Variants in TENM4 observed in about 807,000 individuals in gnomAD.
The protein encoded by TENM4 is teneurin-4.
In TENM4, 82 loss-of-function variants were observed where a neutral mutation model predicts 243.3. The ratio of observed to expected loss-of-function variants is 0.34; its 90% CI spans 0.28 to 0.40. TENM4 has a LOEUF of 0.40. Ranked by LOEUF, TENM4 falls within the 10% of genes least tolerant of loss-of-function variation. The probability of loss-of-function intolerance (pLI) is 1.00; values close to 1 mark genes in which losing one functional copy is unlikely to be tolerated. For missense variants in TENM4, 3,138 were observed against 3,673.3 expected (o/e 0.85, Z 3.77); for synonymous variants, 1,412 against 1,456.3 (o/e 0.97, Z 0.69).
chr11:79,085,798 T>C (rs1006075247), intron 4 of TENM4, among the ~76,000 whole-genome samples: 3 of 152,214 alleles, frequency 2.0e-5, no homozygotes, highest in African/African-American at 7.2e-5. Context: ...TACCTGAAAC[T>C]GCTCTGCATA....
intron 1 of TENM4, among the ~76,000 whole-genome samples, chr11:79,423,531 G>A (rs1263280308): frequency 7.3e-6 from 1 of 136,554 alleles, no homozygotes; most frequent in Non-Finnish European, 1.6e-5. Context: ...ATGCTTACAA[G>A]TGCATTTTTT....
Position 78,805,352 on chromosome 11 carries a change from G to A in TENM4, c.2119C>T (p.Leu707Phe), listed in dbSNP as rs1262213531. 8 of 1,294,218 alleles carry A rather than the reference G, an allele frequency of 6.2e-6. No homozygotes were observed. Among genetic ancestry groups the A allele is most frequent in the Non-Finnish European group, 7.0e-6 (7 of 1,002,826 alleles). 80.2% of individuals were successfully genotyped at this position (1,294,218 alleles called of 1,614,324 possible). Residue 707 changes from leucine to phenylalanine, a missense_variant, in exon 15 of 34, where the codon CTC becomes TTC. Physicochemically the swap from Leu to Phe is conservative, Grantham distance 22 (BLOSUM62 0). Coordinates refer to ENST00000278550, the MANE Select transcript of TENM4 (RefSeq NM_001098816.3). Reference protein sequence around the residue: ...LDQCSGHGTFLPDTGLCSCDP... With the variant: ...LDQCSGHGTFFPDTGLCSCDP... Reference sequence around the variant, plus strand: ...CAGCTGCAAAGCCCGGTGTCCGGGAGGAAGGTTCCGTGGCCTGAACACTGG... The same window carrying A: ...CAGCTGCAAAGCCCGGTGTCCGGGAAGAAGGTTCCGTGGCCTGAACACTGG...
Position 78,965,565 on chromosome 11 carries a change from ATC to A in TENM4, c.494-62044_494-62043del, listed in dbSNP as rs778397332. On this transcript the variant is annotated intron_variant, in intron 6 of 33. Coordinates refer to ENST00000278550, the MANE Select transcript of TENM4 (RefSeq NM_001098816.3). ...TTTGTTACAGCCTCTTCCTGAGTAA[ATC>A]TGTCAAGCTTTACGAAATAAATAGT... 3.9e-5 allele frequency among the ~76,000 whole-genome samples: 6 copies of A among 152,314 alleles called. No homozygotes were observed. In the South Asian group the frequency reaches 6.2e-4, roughly 16 times the overall value.
chr11:79,005,903 G>C (rs1179173601), intron 6 of TENM4, among the ~76,000 whole-genome samples: 2 of 152,140 alleles, frequency 1.3e-5, no homozygotes, highest in African/African-American at 4.8e-5. Flanking sequence ...CGAGTTTCAG[G>C]ATACAAAATC....
intron 1 of TENM4, among the ~76,000 whole-genome samples, chr11:79,310,603 A>T: frequency 6.6e-6 from 1 of 152,244 alleles, no homozygotes; most frequent in East Asian, 1.9e-4. Flanking sequence ...ATAACTTCAG[A>T]GTTCTTTCCA....
intron 4 of TENM4, among the ~76,000 whole-genome samples, chr11:79,138,374 TA>T (rs1267403863): frequency 8.2e-6 from 1 of 122,172 alleles, no homozygotes; most frequent in Non-Finnish European, 1.6e-5. Flanking sequence ...AATATAAATA[TA>T]ATATATATTA....
chr11:79,279,859 C>A (rs555750744), intron 2 of TENM4, among the ~76,000 whole-genome samples: 12 of 152,278 alleles, frequency 7.9e-5, no homozygotes, highest in Admixed American at 2.6e-4. Flanking sequence ...CCCAATGCAA[C>A]AGTATTAAGA....
chr11:79,146,465 G>A (rs1591314755), intron 4 of TENM4, among the ~76,000 whole-genome samples: 1 of 152,094 alleles, frequency 6.6e-6, no homozygotes, highest in African/African-American at 2.4e-5. Context: ...GGATGGCCAA[G>A]GTGTGGAAAC....
intron 3 of TENM4, among the ~76,000 whole-genome samples, chr11:79,164,457 G>T (rs1213210161): frequency 5.5e-5 from 7 of 126,710 alleles, no homozygotes; most frequent in South Asian, 2.7e-4. Context: ...AGTATATATA[G>T]TATATATATA....
intron 4 of TENM4, among the ~76,000 whole-genome samples, chr11:79,111,808 G>T (rs1337125652): frequency 1.3e-5 from 2 of 152,056 alleles, no homozygotes; most frequent in Non-Finnish European, 2.9e-5. Context: ...GAAGAACATG[G>T]GTCATACAGA....
At chr11:78,925,303 A>G (rs2136400326) in intron 6 of TENM4, among the ~76,000 whole-genome samples, 1 of 151,296 alleles carries the variant, frequency 6.6e-6, no homozygotes, top group Non-Finnish European at 1.5e-5. Flanking sequence ...AGCTATTTTT[A>G]CTTAAAAAAA....
intron 1 of TENM4, among the ~76,000 whole-genome samples, chr11:79,299,736 C>T (rs922708242): frequency 1.3e-5 from 2 of 152,184 alleles, no homozygotes; most frequent in Non-Finnish European, 2.9e-5. Flanking sequence ...AATCCCAACC[C>T]GGTCAGGGGA....
chr11:78,874,289 A>C (rs1859208333), intron 9 of TENM4, among the ~76,000 whole-genome samples: 1 of 152,228 alleles, frequency 6.6e-6, no homozygotes, highest in African/African-American at 2.4e-5. Flanking sequence ...AGGCTCTTGT[A>C]AGAATTAAAT....
At chr11:78,831,656 C>T (rs1467289676) in intron 12 of TENM4, among the ~76,000 whole-genome samples, 1 of 152,162 alleles carries the variant, frequency 6.6e-6, no homozygotes, top group Non-Finnish European at 1.5e-5. Context: ...GGCTGGCACA[C>T]AGGAGGAGCG....
Position 78,985,738 on chromosome 11 carries a change from A to AT in TENM4, c.493+78999dup, listed in dbSNP as rs573427069. ...TAGCTTTGTTTTTTGTTCTTTTTAA[A>AT]TTTTTTTTTTATTGCCATGCAGAAA... is the stretch of plus-strand genomic sequence containing the variant. On this transcript the variant is annotated intron_variant, in intron 6 of 33. Transcript: ENST00000278550. Among the ~76,000 whole-genome samples the AT allele has an allele frequency of 4.1e-3, 616 of 149,840 alleles. 4 individuals carry two copies. Among genetic ancestry groups the AT allele is most frequent in the African/African-American group, 0.013 (520 of 41,006 alleles).
At chr11:79,015,544 T>A (rs1312905766) in intron 6 of TENM4, among the ~76,000 whole-genome samples, 1 of 151,812 alleles carries the variant, frequency 6.6e-6, no homozygotes, top group Non-Finnish European at 1.5e-5. Flanking sequence ...TGTTCAACTC[T>A]CCCACAGTGC....
intron 1 of TENM4, among the ~76,000 whole-genome samples, chr11:79,398,715 G>A (rs1337753369): frequency 7.2e-6 from 1 of 139,508 alleles, no homozygotes; most frequent in Non-Finnish European, 1.5e-5. Flanking sequence ...CTGGCCCTGT[G>A]ATAGAAGATA....
intron 4 of TENM4, among the ~76,000 whole-genome samples, chr11:79,091,040 G>A (rs939840358): frequency 3.5e-4 from 54 of 152,288 alleles, no homozygotes; most frequent in African/African-American, 1.2e-3. Context: ...GTCAGACGCT[G>A]GCAGTCAGGA....
At position 79,239,056 on chromosome 11, in the gene TENM4, A is replaced by G. The variant is rs527832699; in HGVS notation, c.-264-23147T>C. ...ACAAACAAACAAACACGCAAAAAGA[A>G]TTAGGTGCTCTCAGTTGAGCTCTGT... On this transcript the variant is annotated intron_variant, in intron 2 of 33. Transcript: ENST00000278550. 2.0e-5 allele frequency among the ~76,000 whole-genome samples: 3 copies of G among 152,164 alleles called. No homozygotes were observed. In the South Asian group the frequency reaches 6.2e-4, roughly 32 times the overall value.
Sources: allele counts gnomAD v4.1 joint callset (sites outside exome capture counted in the v4.1 genomes callset), GRCh38; gene constraint gnomAD v4.1.1; transcripts MANE v1.5; gene names NCBI Gene and HGNC (gene_info 2026-07-23, HGNC 2026-07-21).